The following SAMMSON variants were observed in gnomAD, a reference collection of about 807,000 sequenced individuals.
SAMMSON encodes survival associated mitochondrial melanoma specific oncogenic non-coding RNA.
chr3:70,148,351 T>C (rs966129688), intron 4 of SAMMSON, among the ~76,000 whole-genome samples: 8 of 152,108 alleles, frequency 5.3e-5, no homozygotes, highest in Admixed American at 2.0e-4. Context: ...AGAATGAAAG[T>C]ACGTTTTGTC....
chr3:70,290,318 A>C (rs886983349), intron 6 of SAMMSON, among the ~76,000 whole-genome samples: 1 of 150,526 alleles, frequency 6.6e-6, no homozygotes, highest in South Asian at 2.1e-4. Flanking sequence ...AGTACCCTGC[A>C]GTGTAAGGTG....
intron 9 of SAMMSON, among the ~76,000 whole-genome samples, chr3:70,366,420 A>T (rs1010334483): frequency 6.7e-6 from 1 of 149,730 alleles, no homozygotes; most frequent in Non-Finnish European, 1.5e-5. Flanking sequence ...CGTTGGCTTC[A>T]TTAAACTTAT....
chr3:70,100,195 G>A (rs1253743482), intron 4 of SAMMSON, among the ~76,000 whole-genome samples: 1 of 151,894 alleles, frequency 6.6e-6, no homozygotes, highest in Non-Finnish European at 1.5e-5. Flanking sequence ...CACTCAGGCT[G>A]GAGTGCAGTG....
At chr3:70,381,380 A>G (rs1017082040) in intron 9 of SAMMSON, among the ~76,000 whole-genome samples, 2 of 152,222 alleles carry the variant, frequency 1.3e-5, no homozygotes, top group African/African-American at 4.8e-5. Flanking sequence ...GGCAATGGTT[A>G]TCAACAGATT....
chr3:70,185,927 T>C (rs1409464443), intron 4 of SAMMSON, among the ~76,000 whole-genome samples: 1 of 152,030 alleles, frequency 6.6e-6, no homozygotes, highest in Non-Finnish European at 1.5e-5. Flanking sequence ...CAGTGAACCA[T>C]GACTGTGCCT....
intron 4 of SAMMSON, among the ~76,000 whole-genome samples, chr3:70,103,756 A>T (rs1037215491): frequency 6.6e-6 from 1 of 152,184 alleles, no homozygotes; most frequent in African/African-American, 2.4e-5. Flanking sequence ...CTAATCTTTA[A>T]CTAGGAAAAT....
intron 2 of SAMMSON, among the ~76,000 whole-genome samples, chr3:70,407,822 G>GCGGTGCCC (rs1701188518): frequency 1.3e-5 from 2 of 152,230 alleles, no homozygotes; most frequent in South Asian, 4.1e-4. Context: ...CCAGCAGGGG[G>GCGGTGCCC]CAGAGCCCCA....
chr3:70,274,082 TGTGTGTGTGC>T lies in SAMMSON; in HGVS notation n.675-17095_675-17086del, dbSNP rs1317046040. On this transcript the variant is annotated intron_variant and non_coding_transcript_variant, in intron 6 of 9. Transcript: ENST00000642114. ...GTGTGTGTGTGTGTGTGTGTGTGTG[TGTGTGTGTGC>T]GCGCGCGCATGTGTGTGTGTGAGAC... Among the ~76,000 whole-genome samples the T allele has an allele frequency of 4.1e-3, 610 of 149,550 alleles. 9 individuals carry two copies. Among genetic ancestry groups the T allele is most frequent in the African/African-American group, 0.012 (501 of 40,674 alleles).
At chr3:70,271,917 T>G (rs1701979240) in intron 6 of SAMMSON, 1 of 152,202 alleles carries the variant, frequency 6.6e-6, no homozygotes, top group Non-Finnish European at 1.5e-5. Flanking sequence ...GCACCTGCCA[T>G]CATGCCCAGC....
chr3:70,200,830 T>A (rs1331891225), intron 4 of SAMMSON, among the ~76,000 whole-genome samples: 2 of 152,162 alleles, frequency 1.3e-5, no homozygotes, highest in African/African-American at 4.8e-5. Flanking sequence ...TCCTAAATCC[T>A]ACCAACTGTA....
intron 6 of SAMMSON, chr3:70,283,822 A>G (rs1185890674): frequency 6.6e-6 from 1 of 152,084 alleles, no homozygotes; most frequent in Non-Finnish European, 1.5e-5. Flanking sequence ...ATATGGCCAA[A>G]TGTTAACATC....
At chr3:70,210,978 A>G (rs1701337654) in intron 4 of SAMMSON, among the ~76,000 whole-genome samples, 1 of 152,148 alleles carries the variant, frequency 6.6e-6, no homozygotes, top group Non-Finnish European at 1.5e-5. Flanking sequence ...GACAGGAGCT[A>G]TTAATTTATT....
At chr3:70,298,379 A>T (rs942999574) in intron 7 of SAMMSON, among the ~76,000 whole-genome samples, 4 of 152,104 alleles carry the variant, frequency 2.6e-5, no homozygotes, top group Non-Finnish European at 5.9e-5. Flanking sequence ...TTGTTTAGTT[A>T]GCCAACATCA....
chr3:70,018,099 A>G (rs2066994555), intron 3 of SAMMSON, among the ~76,000 whole-genome samples: 1 of 152,146 alleles, frequency 6.6e-6, no homozygotes, highest in Admixed American at 6.5e-5. Context: ...CTGGCCTCAT[A>G]AAATGAGTGA....
chr3:70,111,980 G>A (rs983751779), intron 4 of SAMMSON, among the ~76,000 whole-genome samples: 4 of 152,130 alleles, frequency 2.6e-5, no homozygotes, highest in Admixed American at 1.3e-4. Flanking sequence ...CAAATAATTT[G>A]CTAGATTTTT....
At chr3:70,371,884 G>A (rs1047461815) in intron 9 of SAMMSON, among the ~76,000 whole-genome samples, 4 of 152,132 alleles carry the variant, frequency 2.6e-5, no homozygotes, top group Admixed American at 6.6e-5. Flanking sequence ...AATAAGAGTG[G>A]TGAAAGTGGG....
At chr3:70,255,735 G>C (rs750049567) in intron 6 of SAMMSON, among the ~76,000 whole-genome samples, 10 of 152,132 alleles carry the variant, frequency 6.6e-5, no homozygotes, top group Non-Finnish European at 1.0e-4. Flanking sequence ...AGGATTACAG[G>C]TATGATCCCC....
At chr3:70,010,136 C>G (rs1339219831) in intron 1 of SAMMSON, among the ~76,000 whole-genome samples, 1 of 152,008 alleles carries the variant, frequency 6.6e-6, no homozygotes, top group Non-Finnish European at 1.5e-5. Context: ...GTGGAGAGTT[C>G]TGTAGATGTC....
chr3:70,238,776 T>G (rs1037362243), intron 4 of SAMMSON, among the ~76,000 whole-genome samples: 4 of 152,120 alleles, frequency 2.6e-5, no homozygotes, highest in Non-Finnish European at 1.5e-5. Flanking sequence ...ATCCTAGATA[T>G]GTGAGTCTAC....
Sources: allele counts gnomAD v4.1 joint callset (sites outside exome capture counted in the v4.1 genomes callset), GRCh38; gene constraint gnomAD v4.1.1; transcripts MANE v1.5; gene names NCBI Gene and HGNC (gene_info 2026-07-23, HGNC 2026-07-21).